Variants in NF1 observed in about 807,000 individuals in gnomAD.
The protein encoded by NF1 is neurofibromin 1.
In NF1, 122 loss-of-function variants were observed where a neutral mutation model predicts 325.7. The observed-to-expected ratio is 0.37, with a 90% CI of 0.32 to 0.44. The LOEUF (loss-of-function observed/expected upper bound fraction) is 0.44. NF1 is among the 20% of genes least tolerant of loss of function. The pLI is 1.00. For synonymous variants in NF1, 1,091 were observed against 1,186.0 expected (o/e 0.92, Z 1.65); for missense variants, 2,140 against 3,415.4 (o/e 0.63, Z 9.31).
At chr17:31,166,199 A>T (rs190987394) in intron 4 of NF1, among the ~76,000 whole-genome samples, 1 of 152,288 alleles carries the variant, frequency 6.6e-6, no homozygotes, top group African/African-American at 2.4e-5. Flanking sequence ...TTTAAAAGTC[A>T]TTTGGTTCTT....
chr17:31,188,449 G>A (rs1463662625), intron 8 of NF1, among the ~76,000 whole-genome samples: 2 of 152,308 alleles, frequency 1.3e-5, no homozygotes, highest in East Asian at 3.9e-4. Context: ...TGGGATAGGT[G>A]TGTTTCTGGT....
chr17:31,121,761 C>A (rs1203999272), intron 1 of NF1, among the ~76,000 whole-genome samples: 2 of 152,102 alleles, frequency 1.3e-5, no homozygotes, highest in Non-Finnish European at 2.9e-5. Context: ...GCCTTGCATC[C>A]CAGTGATGAA....
chr17:31,190,230 C>G (rs2066319252), intron 8 of NF1, among the ~76,000 whole-genome samples: 2 of 151,908 alleles, frequency 1.3e-5, no homozygotes, highest in South Asian at 4.2e-4. Flanking sequence ...GCACTCCAGC[C>G]TGGGCGACAG....
chr17:31,162,035 CAAAAAA>C (rs781244510), intron 3 of NF1, among the ~76,000 whole-genome samples: 2 of 54,176 alleles, frequency 3.7e-5, no homozygotes, highest in Admixed American at 5.2e-4. Context: ...GACTCCATCT[CAAAAAA>C]AAAAAAAAAA....
At chr17:31,322,970 T>C (rs1282888709) in intron 36 of NF1, among the ~76,000 whole-genome samples, 1 of 152,230 alleles carries the variant, frequency 6.6e-6, no homozygotes, top group Non-Finnish European at 1.5e-5. Flanking sequence ...TCTTATATCT[T>C]GTATACATCA....
intron 1 of NF1, among the ~76,000 whole-genome samples, chr17:31,111,502 C>T (rs1359888311): frequency 6.6e-6 from 1 of 151,918 alleles, no homozygotes; most frequent in Non-Finnish European, 1.5e-5. Context: ...TTAAAAGCAG[C>T]CAGAAGAGGG....
intron 16 of NF1, among the ~76,000 whole-genome samples, chr17:31,224,353 G>A (rs2066977078): frequency 6.6e-6 from 1 of 152,038 alleles, no homozygotes; most frequent in Non-Finnish European, 1.5e-5. Flanking sequence ...TTTTTATCTG[G>A]TACTAGAAGC....
chr17:31,149,285 C>T (rs1189881019), intron 1 of NF1, among the ~76,000 whole-genome samples: 1 of 150,314 alleles, frequency 6.7e-6, no homozygotes, highest in African/African-American at 2.5e-5. Flanking sequence ...TGTACACACA[C>T]ACACATACAC....
At chr17:31,174,228 T>C (rs2065979979) in intron 5 of NF1, among the ~76,000 whole-genome samples, 1 of 152,218 alleles carries the variant, frequency 6.6e-6, no homozygotes, top group Non-Finnish European at 1.5e-5. Flanking sequence ...TATATTTATA[T>C]GGAGAAATGT....
At chr17:31,239,921 G>A (rs1379258512) in intron 29 of NF1, among the ~76,000 whole-genome samples, 1 of 152,072 alleles carries the variant, frequency 6.6e-6, no homozygotes, top group South Asian at 2.1e-4. Context: ...CCACCACCAT[G>A]CCTGGCTAAT....
rs528501005 is a variant in NF1, at chr17:31,226,274, A to G, written c.2002-161A>G. Among the ~76,000 whole-genome samples, 4 of 150,600 alleles carry G rather than the reference A, an allele frequency of 2.7e-5. No individual in the cohort carries two copies. The South Asian group carries it at 8.4e-4, about 32-fold the overall frequency. ...ATATTTTGGGGTTTGAAAAATTCCT[A>G]TAATGATTAAAGGAAAAAGCTCTTG... On this transcript the variant is annotated intron_variant, in intron 17 of 57. Coordinates refer to ENST00000358273, the MANE Select transcript of NF1 (RefSeq NM_001042492.3).
intron 1 of NF1, among the ~76,000 whole-genome samples, chr17:31,139,058 T>C (rs574148209): frequency 2.9e-4 from 44 of 152,228 alleles, no homozygotes; most frequent in Admixed American, 9.2e-4. Flanking sequence ...GTTTTGTTTG[T>C]TTGTTTTTTG....
rs145384540 is a variant in NF1, at chr17:31,301,498, C to T, written c.4836-24322C>T. ...ACCACAGTGTTTTAGTTATAGGTTC[C>T]CAAAGGTGCTACTTTACTTTTTGAT... On this transcript the variant is annotated intron_variant, in intron 36 of 57. Transcript: ENST00000358273. 4.6e-3 allele frequency among the ~76,000 whole-genome samples: 695 copies of T among 152,104 alleles called. 6 individuals carry two copies. Among genetic ancestry groups the T allele is most frequent in the African/African-American group, 0.016 (666 of 41,492 alleles).
chr17:31,330,182 TA>T, intron 38 of NF1, 113 bp from the exon 39 acceptor site: 1 of 895,758 alleles, frequency 1.1e-6, no homozygotes. Context: ...TCATAAAATT[TA>T]AAAATAGTTG....
chr17:31,321,810 G>A (rs972010785), intron 36 of NF1: 1 of 152,036 alleles, frequency 6.6e-6, no homozygotes, highest in African/African-American at 2.4e-5. Flanking sequence ...AGAGCAGGGA[G>A]GGTTTTCCAC....
chr17:31,221,795 C>A, intron 14 of NF1, 55 bp from the exon 15 acceptor site: 1 of 1,276,146 alleles, frequency 7.8e-7, no homozygotes, highest in Non-Finnish European at 1.1e-6. Flanking sequence ...GTTATGTTTA[C>A]CAAAAATGTT....
At chr17:31,370,889 C>G (rs2070623870) in intron 57 of NF1, among the ~76,000 whole-genome samples, 1 of 152,094 alleles carries the variant, frequency 6.6e-6, no homozygotes, top group South Asian at 2.1e-4. Flanking sequence ...TTGCCTGAAT[C>G]TTATTTTCTA....
chr17:31,217,635 G>A (rs2066843085), intron 13 of NF1, among the ~76,000 whole-genome samples: 2 of 151,854 alleles, frequency 1.3e-5, no homozygotes, highest in African/African-American at 4.8e-5. Context: ...GCAAATATAT[G>A]CTTCCAAGTT....
chr17:31,370,141 C>T (rs1259513397), intron 57 of NF1, among the ~76,000 whole-genome samples: 5 of 151,868 alleles, frequency 3.3e-5, no homozygotes, highest in African/African-American at 1.2e-4. Flanking sequence ...ACAGTTGGGT[C>T]ACTAAGTAGG....
Sources: allele counts gnomAD v4.1 joint callset (sites outside exome capture counted in the v4.1 genomes callset), GRCh38; gene constraint gnomAD v4.1.1; transcripts MANE v1.5; gene names NCBI Gene and HGNC (gene_info 2026-07-23, HGNC 2026-07-21).